ERAP1: variants seen among roughly 807,000 people sequenced by gnomAD.
ERAP1 encodes endoplasmic reticulum aminopeptidase 1.
A neutral mutation model predicts 103.7 loss-of-function variants in ERAP1; 86 were observed. The observed-to-expected ratio is 0.83, with a 90% CI of 0.70 to 0.99. ERAP1 has a LOEUF of 0.99. ERAP1 is among the 50% of genes least tolerant of loss of function. The pLI is 0.00. For synonymous variants in ERAP1, 398 were observed against 402.4 expected, an observed-to-expected ratio of 0.99 and a Z score of 0.13; for missense variants, 1,009 against 1,128.4, an observed-to-expected ratio of 0.89 and a Z score of 1.52.
the ERAP1 span, among the ~76,000 whole-genome samples, chr5:96,863,726 G>A: frequency 6.6e-6 from 1 of 151,908 alleles, no homozygotes; most frequent in Admixed American, 6.6e-5. Flanking sequence ...ACTACCCACT[G>A]ATTTTTATGT....
chr5:96,858,282 T>C, the ERAP1 span, among the ~76,000 whole-genome samples: 1 of 151,752 alleles, frequency 6.6e-6, no homozygotes, highest in Admixed American at 6.6e-5. Flanking sequence ...TGGCGCTATC[T>C]TGGCTCACTC....
At chr5:96,931,243 A>C in the ERAP1 span, among the ~76,000 whole-genome samples, 1 of 149,750 alleles carries the variant, frequency 6.7e-6, no homozygotes, top group Non-Finnish European at 1.5e-5. Flanking sequence ...TGCAGCCTCC[A>C]CCTTCCAGGC....
chr5:96,793,662 A>G, intron 6 of ERAP1, 141 bp downstream of exon 6: 1 of 1,078,494 alleles, frequency 9.3e-7, no homozygotes. Flanking sequence ...GCATTATAAG[A>G]CATAAAAACG....
the ERAP1 span, among the ~76,000 whole-genome samples, chr5:96,828,403 G>T: frequency 6.6e-6 from 1 of 151,858 alleles, no homozygotes; most frequent in Non-Finnish European, 1.5e-5. Context: ...CAGTCACTTT[G>T]GTATCAGTCT....
At chr5:96,935,163 C>T in the ERAP1 span, 1 of 152,246 alleles carries the variant, frequency 6.6e-6, no homozygotes, top group Admixed American at 6.5e-5. Context: ...GGTAGCACCC[C>T]CGGGAACCGC....
chr5:96,895,244 AGT>A, the ERAP1 span: 1 of 1,584,386 alleles, frequency 6.3e-7, no homozygotes, highest in South Asian at 1.1e-5. Context: ...TTTACCTCCT[AGT>A]GGTTTGGCAA....
intron 1 of ERAP1, among the ~76,000 whole-genome samples, chr5:96,805,431 C>T (rs1778495096): frequency 6.6e-6 from 1 of 150,882 alleles, no homozygotes; most frequent in Non-Finnish European, 1.5e-5. Flanking sequence ...CAAATCCTGG[C>T]TTTCCCCCTT....
the ERAP1 span, among the ~76,000 whole-genome samples, chr5:96,859,652 C>T: frequency 6.6e-6 from 1 of 152,176 alleles, no homozygotes; most frequent in African/African-American, 2.4e-5. Flanking sequence ...AACCACTTAA[C>T]CTCACTGGGC....
At chr5:96,893,469 C>A in the ERAP1 span, among the ~76,000 whole-genome samples, 39 of 152,174 alleles carry the variant, frequency 2.6e-4, no homozygotes, top group Non-Finnish European at 4.6e-4. Flanking sequence ...TCCTTTGGTT[C>A]AAAATCTCCC....
the ERAP1 span, among the ~76,000 whole-genome samples, chr5:96,877,051 T>C: frequency 6.6e-6 from 1 of 152,206 alleles, no homozygotes; most frequent in African/African-American, 2.4e-5. Context: ...CTCGGCTCAC[T>C]GCAACTTCCA....
chr5:96,768,061 T>A lies in ERAP1; in HGVS notation c.2819-4833A>T. 4 of 1,037,972 alleles carry A rather than the reference T, an allele frequency of 3.9e-6. No homozygotes were observed. In the South Asian group the frequency reaches 5.1e-5, roughly 13 times the overall value. 64.3% of individuals were successfully genotyped at this position (1,037,972 alleles called of 1,614,324 possible). A position where few individuals can be genotyped will look rare whatever the true frequency, so the allele number is the denominator to read the frequency against. ...GTGTGTGTGTATGTGTACATACATA[T>A]AAGTTTTATTTATTGATTGATCTAT... is the stretch of plus-strand genomic sequence containing the variant. On this transcript the variant is annotated intron_variant, in intron 19 of 19. Coordinates refer to the ERAP1 transcript ENST00000296754.
chr5:96,853,436 G>A, the ERAP1 span, among the ~76,000 whole-genome samples: 8 of 152,046 alleles, frequency 5.3e-5, no homozygotes, highest in African/African-American at 9.7e-5. Flanking sequence ...GTACACTACC[G>A]ACTTCAAAAG....
At chr5:96,767,245 C>T (rs1442986659) in intron 19 of ERAP1, among the ~76,000 whole-genome samples, 1 of 152,140 alleles carries the variant, frequency 6.6e-6, no homozygotes, top group Non-Finnish European at 1.5e-5. Context: ...CAAGTCTACA[C>T]AAATGATTAT....
At chr5:96,909,848 C>A in the ERAP1 span, 1 of 1,368,162 alleles carries the variant, frequency 7.3e-7, no homozygotes, top group Non-Finnish European at 9.9e-7. Flanking sequence ...AGGTCTAAAA[C>A]CTTTTAGTGA....
At chr5:96,876,143 G>T in the ERAP1 span, 2 of 152,568 alleles carry the variant, frequency 1.3e-5, no homozygotes, top group Non-Finnish European at 2.9e-5. Flanking sequence ...AGATTTCATA[G>T]CACTGAGGAT....
At chr5:96,865,402 C>T in the ERAP1 span, among the ~76,000 whole-genome samples, 129 of 152,278 alleles carry the variant, frequency 8.5e-4, no homozygotes, top group Non-Finnish European at 1.5e-3. Flanking sequence ...TATAAAAGCC[C>T]TACTGCTTTC....
the ERAP1 span, among the ~76,000 whole-genome samples, chr5:96,895,070 G>A: frequency 6.6e-6 from 1 of 152,036 alleles, no homozygotes; most frequent in Admixed American, 6.6e-5. Context: ...ATGTGGTGGT[G>A]AGAATAAGAA....
intron 5 of ERAP1, among the ~76,000 whole-genome samples, chr5:96,794,183 T>C (rs1176138284): frequency 7.2e-6 from 1 of 139,372 alleles, no homozygotes; most frequent in Admixed American, 7.3e-5. Context: ...TTTTTTTTTT[T>C]TTTTTTTTTT....
At chr5:96,765,422 C>G in intron 19 of ERAP1, 1 of 639,286 alleles carries the variant, frequency 1.6e-6, no homozygotes, top group South Asian at 2.0e-5. Flanking sequence ...TTGATGTGAA[C>G]TTAACCTATA....
Sources: allele counts gnomAD v4.1 joint callset (sites outside exome capture counted in the v4.1 genomes callset), GRCh38; gene constraint gnomAD v4.1.1; transcripts MANE v1.5; gene names NCBI Gene and HGNC (gene_info 2026-07-23, HGNC 2026-07-21).